The following KRT81 variants were observed in gnomAD, a reference collection of about 807,000 sequenced individuals.
KRT81 encodes the protein keratin 81.
KRT81 carries 35 observed loss-of-function variants against 35.8 expected under a neutral mutation model. The observed-to-expected ratio is 0.98, with a 90% CI of 0.75 to 1.30. The LOEUF is 1.30. Among genes scored for constraint, KRT81 ranks in the 50% most tolerant of loss-of-function variants. The pLI is 0.00. For synonymous variants in KRT81, 249 were observed against 251.2 expected, an observed-to-expected ratio of 0.99 and a Z score of 0.08; for missense variants, 531 against 577.4, an observed-to-expected ratio of 0.92 and a Z score of 0.82.
chr12:52,287,389 G>C, intron 6 of KRT81, 67 bp from the exon 7 acceptor site: 1 of 1,597,126 alleles, frequency 6.3e-7, no homozygotes. Context: ...ATCCAAATGA[G>C]ACCACACTCC....
intron 7 of KRT81, 74 bp from the exon 8 acceptor site, chr12:52,286,896 G>GTAGGGTCCA: frequency 6.3e-7 from 1 of 1,575,656 alleles, no homozygotes; most frequent in East Asian, 2.2e-5. Flanking sequence ...AGTTCATAGG[G>GTAGGGTCCA]TAGGGTCCAC....
chr12:52,286,935 G>T, intron 7 of KRT81, 113 bp from the exon 8 acceptor site: 1 of 1,530,540 alleles, frequency 6.5e-7, no homozygotes, highest in Non-Finnish European at 9.0e-7. Context: ...AGAGTCTGAG[G>T]GAACAGCTTG....
chr12:52,288,825 C>A (rs1332715906), intron 3 of KRT81, among the ~76,000 whole-genome samples: 1 of 152,086 alleles, frequency 6.6e-6, no homozygotes, highest in Non-Finnish European at 1.5e-5. Flanking sequence ...TTCTCCATCC[C>A]CCCTTAGACC....
intron 8 of KRT81, 132 bp from the exon 9 acceptor site, chr12:52,286,625 T>C (rs1937948204): frequency 8.3e-7 from 1 of 1,201,264 alleles, no homozygotes; most frequent in East Asian, 2.5e-5. Flanking sequence ...TCTAGGTCCA[T>C]CTAGTCCAAG....
At chr12:52,287,006 C>T in intron 7 of KRT81, 96 bp downstream of exon 7, 2 of 1,601,766 alleles carry the variant, frequency 1.2e-6, no homozygotes, top group Middle Eastern at 2.1e-4. Flanking sequence ...ATATTTTTTT[C>T]CCCCAGAGCC....
chr12:52,291,261 C>T lies in KRT81; in HGVS notation c.205G>A (p.Gly69Ser), dbSNP rs1243420568. 2 of 1,526,854 alleles carry T rather than the reference C, an allele frequency of 1.3e-6. No individual in the cohort carries two copies. The highest frequency in any genetic ancestry group is 8.8e-7 in the Non-Finnish European group (1 of 1,136,414). The allele number at this position is 1,526,854 out of a possible 1,614,324, so 94.6% of individuals were successfully genotyped here. ...CATGGGGGACTGGGCCCGCACACGC[C>T]CCCGGAGCGGTAGCCGAAGCTGCGT... ...CGRSFGYRSG[G>S]VCGPSPPCIT... The change falls in exon 1 of 9, where the codon GGC (glycine) becomes AGC (serine). Residue 69 changes from glycine to serine, a missense_variant. Gly to Ser is a moderately conservative substitution (Grantham distance 56). Transcript: ENST00000327741.
In KRT81 at chr12:52,288,155, G is replaced by A. The variant is rs925019171; in HGVS notation, c.736-7C>T. 6.2e-7 allele frequency: 1 copy of A among 1,614,046 alleles called. No individual in the cohort carries two copies. The highest frequency in any genetic ancestry group is 8.5e-7 in the Non-Finnish European group (1 of 1,179,988). ...ACTGGAGAATGAGGATCTCCTGCAG[G>A]AGGTGAGGGCAGTGACTTTAGTTGA... is the stretch of plus-strand genomic sequence containing the variant. On this transcript the variant is annotated splice_region_variant and splice_polypyrimidine_tract_variant and intron_variant, in intron 4 of 8. Coordinates refer to ENST00000327741, the MANE Select transcript of KRT81 (RefSeq NM_002281.4).
intron 6 of KRT81, 80 bp from the exon 7 acceptor site, chr12:52,287,402 A>C: frequency 6.3e-7 from 1 of 1,585,776 alleles, no homozygotes; most frequent in Non-Finnish European, 8.6e-7. Context: ...CACACTCCCC[A>C]CCAAGCTGGG....
chr12:52,287,377 T>C, intron 6 of KRT81, 55 bp from the exon 7 acceptor site: 1 of 1,604,654 alleles, frequency 6.2e-7, no homozygotes, highest in South Asian at 1.1e-5. Flanking sequence ...TCTCTGATGC[T>C]CATCCAAATG....
Position 52,291,340 on chromosome 12 carries a change from G to T in KRT81, c.126C>A (p.Thr42=). The part of the protein sequence containing the change: ...YRGISCYRGL[T]GGFGSHSVCG... ...ACACGCTGTGGCTGCCGAAGCCCCC[G>T]GTGAGGCCGCGGTAGCAGGAGATGC... The change falls in exon 1 of 9, where the codon ACC becomes ACA. Residue 42 remains threonine (T), a synonymous_variant. Coordinates refer to ENST00000327741, the MANE Select transcript of KRT81 (RefSeq NM_002281.4). The T allele has an allele frequency of 1.9e-6, 3 of 1,571,700 alleles. No individual in the cohort carries two copies. Among genetic ancestry groups the T allele is most frequent in the East Asian group, 2.3e-5 (1 of 42,626 alleles).
At position 52,286,296 on chromosome 12, in the gene KRT81, G is replaced by A. The variant is rs1310893601; in HGVS notation, c.1477C>T (p.Leu493=). The A allele has an allele frequency of 1.9e-6, 3 of 1,554,564 alleles. No individual in the cohort carries two copies. Among genetic ancestry groups the A allele is most frequent in the Non-Finnish European group, 1.7e-6 (2 of 1,148,590 alleles). ...CGVGSCGISS[L]GVGSCGSSCR... Reference sequence around the variant, plus strand: ...CTGCTGCCGCAAGACCCCACACCCAGGGAGCTGATACCACAGGAGCCCACG... The same window carrying A: ...CTGCTGCCGCAAGACCCCACACCCAAGGAGCTGATACCACAGGAGCCCACG... Residue 493 remains leucine, a synonymous_variant, in exon 9 of 9, where the codon CTG becomes TTG. Transcript: ENST00000327741.
chr12:52,291,258 C>T lies in KRT81; in HGVS notation c.208G>A (p.Val70Met). ...ATGCATGGGGGACTGGGCCCGCACA[C>T]GCCCCCGGAGCGGTAGCCGAAGCTG... ...GRSFGYRSGG[V>M]CGPSPPCITT... Residue 70 changes from valine to methionine, a missense_variant, in exon 1 of 9, where the codon GTG becomes ATG. Val to Met is a conservative substitution (Grantham distance 21). This residue lies in a region of KRT81 where 133 missense variants were observed against 125.9 expected (regional missense o/e 1.06). Coordinates refer to ENST00000327741, the MANE Select transcript of KRT81 (RefSeq NM_002281.4). 1.3e-6 allele frequency: 2 copies of T among 1,521,010 alleles called. No homozygotes were observed. Among genetic ancestry groups the T allele is most frequent in the East Asian group, 2.5e-5 (1 of 40,430 alleles). 94.2% of individuals were successfully genotyped at this position (1,521,010 alleles called of 1,614,324 possible).
Position 52,286,773 on chromosome 12 carries a change from T to A in KRT81, c.1279+18A>T. On this transcript the variant is annotated intron_variant, in intron 8 of 8. Transcript: ENST00000327741. Reference sequence around the variant, plus strand: ...AGGTAGTTAGTAAATCTGTCCACACTGGACCCCAAATACTCACAGACATTC... The same window carrying A: ...AGGTAGTTAGTAAATCTGTCCACACAGGACCCCAAATACTCACAGACATTC... The A allele has an allele frequency of 6.2e-7, 1 of 1,613,456 alleles. No individual in the cohort carries two copies. Among genetic ancestry groups the A allele is most frequent in the Non-Finnish European group, 8.5e-7 (1 of 1,179,448 alleles).
Position 52,287,675 on chromosome 12 carries a change from C to G in KRT81, c.947G>C (p.Arg316Pro). The G allele has an allele frequency of 6.2e-7, 1 of 1,613,886 alleles. No individual in the cohort carries two copies. Among genetic ancestry groups the G allele is most frequent in the Non-Finnish European group, 8.5e-7 (1 of 1,179,860 alleles). The change falls in exon 6 of 9, where the codon CGC becomes CCC. Residue 316 changes from arginine to proline, a missense_variant. Transcript: ENST00000327741. ...CTCATTGATCTCCTCCTTGGTGCGG[C>G]GCAGGGTCTCCCCGTGCCTGATCAC... is the stretch of plus-strand genomic sequence containing the variant. ...ATVIRHGETL[R>P]RTKEEINELN...
In KRT81 at chr12:52,291,532, A is replaced by G. The variant is rs994093592; in HGVS notation, c.-67T>C. ...ACCTGGAGTCCTGATGGAAACTCCAATGTGCTCCTCAGGGCACCGCAGCCC... is the reference window on the plus strand; with the variant it reads ...ACCTGGAGTCCTGATGGAAACTCCAGTGTGCTCCTCAGGGCACCGCAGCCC... On this transcript the variant is annotated 5_prime_UTR_variant, in exon 1 of 9. Transcript: ENST00000327741. 20 of 1,596,786 alleles carry G rather than the reference A, an allele frequency of 1.3e-5. No individual in the cohort carries two copies. Among genetic ancestry groups the G allele is most frequent in the Admixed American group, 1.7e-5 (1 of 58,212 alleles).
At position 52,287,248 on chromosome 12, in the gene KRT81, C is replaced by G; in HGVS notation, c.1101G>C (p.Lys367Asn). 6.2e-7 allele frequency: 1 copy of G among 1,614,086 alleles called. No individual in the cohort carries two copies. Among genetic ancestry groups the G allele is most frequent in the South Asian group, 1.1e-5 (1 of 91,076 alleles). ...GEAALSDARC[K>N]LAELEGALQK... ...GCAGGGCGCCCTCCAGCTCGGCCAGCTTGCAGCGGGCATCACTGAGGGCCG... is the reference window on the plus strand; with the variant it reads ...GCAGGGCGCCCTCCAGCTCGGCCAGGTTGCAGCGGGCATCACTGAGGGCCG... The change falls in exon 7 of 9, where the codon AAG becomes AAC. Residue 367 changes from lysine (K) to asparagine (N), a missense_variant. By Grantham distance (94) the Lys-to-Asn change is moderately conservative. Transcript: ENST00000327741.
chr12:52,288,654 C>G (rs1442852254), intron 3 of KRT81, among the ~76,000 whole-genome samples, 198 bp from the exon 4 acceptor site: 2 of 152,094 alleles, frequency 1.3e-5, no homozygotes, highest in Non-Finnish European at 1.5e-5. Context: ...TTTGCCTTGA[C>G]CATGCCTCAC....
At position 52,288,495 on chromosome 12, in the gene KRT81, T is replaced by G. The variant is rs1321270842; in HGVS notation, c.640-39A>C. 12 of 1,610,598 alleles carry G rather than the reference T, an allele frequency of 7.5e-6. No homozygotes were observed. The East Asian group carries it at 2.7e-4, about 36-fold the overall frequency. The stretch of plus-strand genomic sequence containing the variant: ...GAGTGTTGGAGCTCAAGGACCCTGG[T>G]GATCCAGCCCCCAGACTCCTCTCTC... On this transcript the variant is annotated intron_variant, in intron 3 of 8. Transcript: ENST00000327741.
chr12:52,286,089 G>T lies in KRT81; in HGVS notation c.*166C>A, dbSNP rs764882574. On this transcript the variant is annotated 3_prime_UTR_variant, in exon 9 of 9. Transcript: ENST00000327741. ...GCCTTTCCCACTGTGGGGTGGCAGA[G>T]CCCAGAAGTGGGGGATCACACAGAG... The T allele has an allele frequency of 7.1e-5, 48 of 680,826 alleles. No homozygotes were observed. The highest frequency in any genetic ancestry group is 1.1e-4 in the Non-Finnish European group (42 of 391,386). 42.2% of individuals were successfully genotyped at this position (680,826 alleles called of 1,614,324 possible).
Sources: allele counts gnomAD v4.1 joint callset (sites outside exome capture counted in the v4.1 genomes callset), GRCh38; gene constraint gnomAD v4.1.1; regional missense constraint gnomAD v4.1.1; transcripts MANE v1.5; gene names NCBI Gene and HGNC (gene_info 2026-07-23, HGNC 2026-07-21).